The following CREBBP variants were observed in gnomAD, a reference collection of about 807,000 sequenced individuals.
CREBBP encodes CREB binding lysine acetyltransferase, also known as CREB-binding protein.
CREBBP carries 19 observed loss-of-function variants against 265.0 expected under a neutral mutation model. The observed-to-expected ratio is 0.07, with a 90% confidence interval of 0.05 to 0.11. The LOEUF (loss-of-function observed/expected upper bound fraction) is 0.11, where lower values mean the gene tolerates loss of function less well. Ranked by LOEUF, CREBBP falls within the 10% of genes least tolerant of loss-of-function variation. The pLI is 1.00. For missense variants in CREBBP, 2,525 were observed against 3,219.0 expected, an observed-to-expected ratio of 0.78 and a Z score of 5.22; for synonymous variants, 1,457 against 1,223.7, an observed-to-expected ratio of 1.19 and a Z score of -3.98.
chr16:3,728,658 T>C lies in CREBBP; in HGVS notation c.6389A>G (p.Gln2130Arg), dbSNP rs749413614. 1 of 1,613,488 alleles carries C rather than the reference T, an allele frequency of 6.2e-7. No individual in the cohort carries two copies. The highest frequency in any genetic ancestry group is 1.1e-5 in the South Asian group (1 of 91,070). Residue 2130 changes from glutamine (Q) to arginine (R), a missense_variant, in exon 31 of 31, where the codon CAG becomes CGG. Around this residue, in one of 19 missense-constraint regions of CREBBP, gnomAD observed 473 missense variants for 459.3 expected, o/e 1.03. Transcript: ENST00000262367. The surrounding 1 kb of genome is among the most constrained non-coding windows in gnomAD (Gnocchi z 8.7). ...GLQSQPGMQP[Q>R]PGMHQQPSLQ... is the part of the protein sequence containing the mutation. ...GCTGGGCTGCTGGTGCATGCCAGGC[T>C]GGGGTTGCATGCCGGGCTGGGACTG...
At chr16:3,855,677 T>C (rs1253776469) in intron 1 of CREBBP, among the ~76,000 whole-genome samples, 1 of 152,294 alleles carries the variant, frequency 6.6e-6, no homozygotes, top group Middle Eastern at 3.4e-3. Context: ...AGGAATCTGA[T>C]CCCGGATACA....
At chr16:3,876,399 CA>C (rs71133663) in intron 1 of CREBBP, among the ~76,000 whole-genome samples, 245 of 18,164 alleles carry the variant, frequency 0.013, 1 homozygote, top group African/African-American at 0.028. Context: ...TAAAGCTGAC[CA>C]AAAAAAAAAA....
Position 3,793,725 on chromosome 16 carries a change from T to C in CREBBP, c.976-99A>G, listed in dbSNP as rs145262111. 2.3e-3 allele frequency: 3,130 copies of C among 1,365,152 alleles called. 8 individuals carry two copies. The highest frequency in any genetic ancestry group is 2.6e-3 in the South Asian group (212 of 80,166). 84.6% of individuals were successfully genotyped at this position (1,365,152 alleles called of 1,614,324 possible). On this transcript the variant is annotated intron_variant, in intron 3 of 30. Transcript: ENST00000262367. ...AACAAAAGCAAAAGCTGATGGATAA[T>C]ACCGACCACAGAGAGAAGGCTGGTG...
chr16:3,877,216 T>C (rs1036307236), intron 1 of CREBBP, among the ~76,000 whole-genome samples: 4 of 152,178 alleles, frequency 2.6e-5, no homozygotes, highest in Admixed American at 2.6e-4. Context: ...ACACATCCCG[T>C]CACTAAAATA....
chr16:3,800,241 C>G (rs1357210677), intron 3 of CREBBP, among the ~76,000 whole-genome samples: 1 of 152,180 alleles, frequency 6.6e-6, no homozygotes, highest in Non-Finnish European at 1.5e-5. Flanking sequence ...CCTCAGCTTC[C>G]TGAGTAGCTG....
intron 2 of CREBBP, among the ~76,000 whole-genome samples, chr16:3,844,298 G>C (rs553258167): frequency 6.6e-6 from 1 of 151,824 alleles, no homozygotes; most frequent in Non-Finnish European, 1.5e-5. Flanking sequence ...TGAAGCACTA[G>C]CAATTAAAAC....
At chr16:3,793,956 C>G (rs1194422630) in intron 3 of CREBBP, among the ~76,000 whole-genome samples, 1 of 152,298 alleles carries the variant, frequency 6.6e-6, no homozygotes, top group East Asian at 1.9e-4. Flanking sequence ...CCAGCTGGAC[C>G]ATATGAAACT....
intron 16 of CREBBP, among the ~76,000 whole-genome samples, chr16:3,765,909 C>T (rs1158265625): frequency 2.6e-5 from 4 of 152,010 alleles, no homozygotes; most frequent in Admixed American, 2.6e-4. Flanking sequence ...AATCATAGAC[C>T]CTGAATTCCT....
chr16:3,836,721 T>C (rs1401023328), intron 2 of CREBBP, among the ~76,000 whole-genome samples: 1 of 152,262 alleles, frequency 6.6e-6, no homozygotes, highest in Non-Finnish European at 1.5e-5. Flanking sequence ...TAGCTACCTT[T>C]AGTTGATAAA....
intron 1 of CREBBP, among the ~76,000 whole-genome samples, chr16:3,860,179 T>C (rs553280947): frequency 6.6e-5 from 10 of 152,260 alleles, no homozygotes; most frequent in African/African-American, 2.2e-4. Flanking sequence ...GTGTCGACTG[T>C]TGACACTGAG....
intron 25 of CREBBP, 86 bp downstream of exon 25, chr16:3,739,492 C>A (rs930193184): frequency 1.3e-6 from 2 of 1,518,506 alleles, no homozygotes; most frequent in Non-Finnish European, 1.8e-6. Context: ...TGAAGGCTCA[C>A]AGGCTCCTCT....
chr16:3,835,561 C>T (rs1264224526), intron 2 of CREBBP, among the ~76,000 whole-genome samples: 2 of 150,218 alleles, frequency 1.3e-5, no homozygotes, highest in Non-Finnish European at 3.0e-5. Flanking sequence ...CAAAAATGCT[C>T]ACAGAAGATT....
chr16:3,839,608 A>G (rs8052151), intron 2 of CREBBP, among the ~76,000 whole-genome samples: 151,390 of 151,394 alleles, frequency 1, 75,693 homozygotes, highest in Middle Eastern at 1. Context: ...CTGGAACCCA[A>G]GAGGCAGAGG....
intron 5 of CREBBP, among the ~76,000 whole-genome samples, chr16:3,783,541 C>A (rs1235972014): frequency 1.3e-5 from 2 of 152,252 alleles, no homozygotes; most frequent in South Asian, 2.1e-4. Context: ...TGCAGCAGAG[C>A]ACCATGCTGA....
rs565126855 is a variant in CREBBP, at chr16:3,726,087, A to G, written c.*1631T>C. ...GGGGACCTTTCTCACTGTAACAGGG[A>G]CCGGAGCTGGTGCTCCAAGGTGTCT... is the stretch of plus-strand genomic sequence containing the variant. On this transcript the variant is annotated 3_prime_UTR_variant, in exon 31 of 31. Coordinates refer to ENST00000262367, the MANE Select transcript of CREBBP (RefSeq NM_004380.3). 4.3e-6 allele frequency: 1 copy of G among 233,296 alleles called. No individual in the cohort carries two copies. The highest frequency in any genetic ancestry group is 5.6e-5 in the Admixed American group (1 of 17,806). The allele number at this position is 233,296 out of a possible 1,614,324, so 14.5% of individuals were successfully genotyped here.
chr16:3,849,438 T>TGTG lies in CREBBP; in HGVS notation c.798+856_798+858dup, dbSNP rs1567360394. Among the ~76,000 whole-genome samples the TGTG allele has an allele frequency of 5.8e-3, 74 of 12,786 alleles. 3 individuals carry two copies. The highest frequency in any genetic ancestry group is 0.03 in the South Asian group (5 of 166). 8.4% of individuals were successfully genotyped at this position (12,786 alleles called of 152,430 possible). A position where few individuals can be genotyped will look rare whatever the true frequency, so the allele number is the denominator to read the frequency against. ...GTGTGTGTGTGTGTGTGTGTGTGTG[T>TGTG]GTGTGTGTGTGTGTGTGTGTGTGTG... On this transcript the variant is annotated intron_variant, in intron 2 of 30. Coordinates refer to ENST00000262367, the MANE Select transcript of CREBBP (RefSeq NM_004380.3).
chr16:3,829,056 C>CAA (rs535835505), intron 2 of CREBBP, among the ~76,000 whole-genome samples: 9 of 131,328 alleles, frequency 6.9e-5, no homozygotes, highest in South Asian at 2.4e-4. Context: ...TTGAAAAATG[C>CAA]AAAAAAAAAA....
Position 3,728,085 on chromosome 16 carries a change from A to C in CREBBP, c.6962T>G (p.Leu2321Arg). The part of the protein sequence containing the change: ...PNPMSPQQHM[L>R]SGQPQASHLP... The stretch of plus-strand genomic sequence containing the variant: ...ATGCGAGGCCTGTGGCTGTCCTGAG[A>C]GCATGTGTTGCTGGGGGCTCATGGG... The change falls in exon 31 of 31, where the codon CTC (leucine) becomes CGC (arginine). Residue 2321 changes from leucine (L) to arginine (R), a missense_variant. This residue lies in a region of CREBBP where 473 missense variants were observed against 459.3 expected (regional missense o/e 1.03). Coordinates refer to ENST00000262367, the MANE Select transcript of CREBBP (RefSeq NM_004380.3). This position sits in a 1 kb window ranked among gnomAD's most constrained non-coding sequence, Gnocchi z 8.7. 1 of 1,614,010 alleles carries C rather than the reference A, an allele frequency of 6.2e-7. No homozygotes were observed.
chr16:3,781,984 A>C (rs1248817586), intron 6 of CREBBP, among the ~76,000 whole-genome samples: 1 of 152,226 alleles, frequency 6.6e-6, no homozygotes, highest in East Asian at 1.9e-4. Flanking sequence ...AGTGTAAAAT[A>C]GTTACTCTAT....
Sources: gnomAD v4.1 joint callset for allele counts (sites outside exome capture counted in the v4.1 genomes callset) on GRCh38, gnomAD v4.1.1 for gene constraint, gnomAD v4.1.1 regional missense constraint, Gnocchi (gnomAD v3.1) non-coding constraint, MANE v1.5 for transcripts, NCBI Gene and HGNC (gene_info 2026-07-23, HGNC 2026-07-21) for gene names.